Variants in VTI1A observed in about 807,000 individuals in gnomAD.
VTI1A encodes vesicle transport through interaction with t-SNAREs homolog 1A.
In VTI1A, 22 loss-of-function variants were observed where a neutral mutation model predicts 34.9. The ratio of observed to expected loss-of-function variants is 0.63; its 90% CI spans 0.45 to 0.90. VTI1A has a LOEUF of 0.90. VTI1A is among the 40% of genes least tolerant of loss of function. The pLI, the probability that VTI1A is intolerant of heterozygous loss-of-function variation, is 0.00. For synonymous variants in VTI1A, 87 were observed against 97.3 expected (o/e 0.89, Z 0.62); for missense variants, 268 against 275.6 (o/e 0.97, Z 0.20).
intron 3 of VTI1A, among the ~76,000 whole-genome samples, chr10:112,479,288 A>C (rs1465407467): frequency 2.0e-5 from 3 of 152,208 alleles, no homozygotes; most frequent in Non-Finnish European, 2.9e-5. Flanking sequence ...GCATGCTACT[A>C]CTTTTGAATG....
chr10:112,668,423 GA>G, intron 6 of VTI1A, 135 bp downstream of exon 6: 1 of 916,678 alleles, frequency 1.1e-6, no homozygotes, highest in Non-Finnish European at 1.6e-6. Flanking sequence ...CTGTGGAAAG[GA>G]AAAGGAAGAG....
At chr10:112,648,318 A>G (rs575986753) in intron 5 of VTI1A, among the ~76,000 whole-genome samples, 1 of 152,316 alleles carries the variant, frequency 6.6e-6, no homozygotes, top group Non-Finnish European at 1.5e-5. Flanking sequence ...GTTTACCTCC[A>G]TGAAACTAGA....
At chr10:112,744,697 C>G (rs749173314) in intron 7 of VTI1A, among the ~76,000 whole-genome samples, 1 of 152,056 alleles carries the variant, frequency 6.6e-6, no homozygotes, top group Admixed American at 6.6e-5. Flanking sequence ...CTCCCACCTC[C>G]GCCTCCCAAA....
intron 5 of VTI1A, among the ~76,000 whole-genome samples, chr10:112,589,991 A>G (rs1844325406): frequency 6.6e-6 from 1 of 152,162 alleles, no homozygotes; most frequent in Non-Finnish European, 1.5e-5. Context: ...TAGGGTTTGA[A>G]GGGCCAAACC....
At chr10:112,771,196 C>T (rs1264143980) in intron 7 of VTI1A, among the ~76,000 whole-genome samples, 3 of 152,234 alleles carry the variant, frequency 2.0e-5, no homozygotes, top group Non-Finnish European at 4.4e-5. Context: ...GAGAATTTTC[C>T]TCATCTTTAA....
chr10:112,648,414 A>G (rs1846886324), intron 5 of VTI1A, among the ~76,000 whole-genome samples: 1 of 152,188 alleles, frequency 6.6e-6, no homozygotes. Flanking sequence ...TACTGATGGC[A>G]TCATTGTCAG....
At chr10:112,760,959 C>A (rs2134007715) in intron 7 of VTI1A, among the ~76,000 whole-genome samples, 1 of 151,250 alleles carries the variant, frequency 6.6e-6, no homozygotes, top group South Asian at 2.1e-4. Flanking sequence ...ATATTAACTT[C>A]ACATTTGATT....
chr10:112,520,647 G>GTA (rs35437904), intron 3 of VTI1A, among the ~76,000 whole-genome samples: 5,449 of 128,828 alleles, frequency 0.042, 235 homozygotes, highest in African/African-American at 0.094. Flanking sequence ...GTGTGTGTGT[G>GTA]TATATATATA....
At chr10:112,834,761 G>A in the VTI1A span, among the ~76,000 whole-genome samples, 1 of 152,180 alleles carries the variant, frequency 6.6e-6, no homozygotes. Flanking sequence ...TCTTGAAGCC[G>A]GGCGTTTGCT....
At chr10:112,809,328 A>G (rs1590205024) in intron 7 of VTI1A, among the ~76,000 whole-genome samples, 1 of 152,380 alleles carries the variant, frequency 6.6e-6, no homozygotes, top group African/African-American at 2.4e-5. Context: ...TGAATTGGAT[A>G]TAGAATTTAA....
intron 5 of VTI1A, among the ~76,000 whole-genome samples, chr10:112,574,208 C>T (rs1852247715): frequency 6.6e-6 from 1 of 152,162 alleles, no homozygotes; most frequent in Non-Finnish European, 1.5e-5. Flanking sequence ...TTTATTACTT[C>T]AAGTATGTCT....
chr10:112,517,424 A>G (rs1849819389), intron 3 of VTI1A, among the ~76,000 whole-genome samples: 1 of 152,050 alleles, frequency 6.6e-6, no homozygotes, highest in South Asian at 2.1e-4. Flanking sequence ...GAATAGACAA[A>G]TCTCCTATGC....
chr10:112,560,777 A>G (rs896949142), intron 5 of VTI1A, among the ~76,000 whole-genome samples: 16 of 151,754 alleles, frequency 1.1e-4, no homozygotes, highest in Non-Finnish European at 2.1e-4. Context: ...TTGTATTTTT[A>G]GTAGAGACGA....
chr10:112,688,742 T>C (rs1378747286), intron 7 of VTI1A, among the ~76,000 whole-genome samples: 2 of 152,066 alleles, frequency 1.3e-5, no homozygotes, highest in South Asian at 2.1e-4. Flanking sequence ...TTTCATCATG[T>C]TGGCTAGGCT....
intron 7 of VTI1A, among the ~76,000 whole-genome samples, chr10:112,790,188 T>C (rs1405057528): frequency 6.6e-6 from 1 of 152,160 alleles, no homozygotes; most frequent in Non-Finnish European, 1.5e-5. Context: ...GTGCATAGCT[T>C]AGTGGTCAGC....
At chr10:112,781,566 A>C (rs1815240) in intron 7 of VTI1A, among the ~76,000 whole-genome samples, 119,569 of 151,868 alleles carry the variant, frequency 0.79, 47,357 homozygotes, top group East Asian at 0.95. Flanking sequence ...CCTGGCCAGG[A>C]GCGGTGGCTC....
At chr10:112,582,804 G>A (rs1844000445) in intron 5 of VTI1A, among the ~76,000 whole-genome samples, 1 of 151,926 alleles carries the variant, frequency 6.6e-6, no homozygotes, top group East Asian at 1.9e-4. Flanking sequence ...TTATTATATT[G>A]TAAATATAAC....
intron 2 of VTI1A, 70 bp downstream of exon 2, chr10:112,460,652 GT>G: frequency 8.2e-7 from 1 of 1,226,124 alleles, no homozygotes; most frequent in Non-Finnish European, 1.1e-6. Context: ...CCTCTAGCCT[GT>G]TTTATACATT....
At chr10:112,766,814 T>C (rs145408746) in intron 7 of VTI1A, among the ~76,000 whole-genome samples, 1 of 152,322 alleles carries the variant, frequency 6.6e-6, no homozygotes, top group Non-Finnish European at 1.5e-5. Context: ...ATTCTAAGTA[T>C]TTACAAGTAC....
Sources: gnomAD v4.1 joint callset for allele counts (sites outside exome capture counted in the v4.1 genomes callset) on GRCh38, gnomAD v4.1.1 for gene constraint, MANE v1.5 for transcripts, NCBI Gene and HGNC (gene_info 2026-07-23, HGNC 2026-07-21) for gene names.